Variants in CLDN2 observed in about 807,000 individuals in gnomAD.
The protein encoded by CLDN2 is claudin-2.
Under a neutral mutation model 8.2 loss-of-function variants are expected in CLDN2, and 1 was observed. That is an observed-to-expected ratio of 0.12 (90% CI 0.04 to 0.58). The LOEUF (loss-of-function observed/expected upper bound fraction) is 0.58. CLDN2 is among the 20% of genes least tolerant of loss of function. The pLI, the probability that CLDN2 is intolerant of heterozygous loss-of-function variation, is 0.90. For synonymous variants in CLDN2, 70 were observed against 70.2 expected, an observed-to-expected ratio of 1.00 and a Z score of 0.01; for missense variants, 108 against 172.9, an observed-to-expected ratio of 0.62 and a Z score of 2.11.
At chrX:106,917,472 A>G (rs12008279), upstream of CLDN2, among the ~76,000 whole-genome samples, 50,704 of 110,413 alleles carry the variant, frequency 0.46, 8,665 homozygotes, top group East Asian at 0.94. Context: ...GTCATTGGTA[A>G]CTGTGACAAG....
At chrX:106,922,754 C>T (rs186787576) in intron 1 of CLDN2, among the ~76,000 whole-genome samples, 13 of 111,540 alleles carry the variant, frequency 1.2e-4, no homozygotes, top group South Asian at 7.6e-4. Context: ...AGCATGCTTA[C>T]GGGCTTGGAG....
chrX:106,908,124 C>T (rs2147788053), intron 1 of CLDN2, among the ~76,000 whole-genome samples: 1 of 111,560 alleles, frequency 9.0e-6, no homozygotes, highest in South Asian at 3.9e-4. Flanking sequence ...TCCATGTTCT[C>T]CACTCTTCCA....
In CLDN2 at chrX:106,909,443, G is replaced by A. The variant is rs761920474; in HGVS notation, c.-179+8939G>A. Reference sequence around the variant, plus strand: ...CAGCGGGCAACAGAGGGAGGAGAACGTTGAATGCCAGGTTGAAATTTCCAG... The same window carrying A: ...CAGCGGGCAACAGAGGGAGGAGAACATTGAATGCCAGGTTGAAATTTCCAG... On this transcript the variant is annotated intron_variant, in intron 1 of 1. Coordinates refer to the CLDN2 transcript ENST00000541806. Among the ~76,000 whole-genome samples the A allele has an allele frequency of 1.1e-4, 12 of 111,435 alleles. No homozygotes were observed. The East Asian group carries it at 2.0e-3, about 19-fold the overall frequency.
At chrX:106,912,218 A>C (rs761577878) in intron 1 of CLDN2, among the ~76,000 whole-genome samples, 1 of 110,869 alleles carries the variant, frequency 9.0e-6, no homozygotes, top group African/African-American at 3.3e-5. Context: ...GCAGCCCTAA[A>C]AATGTGGTCC....
At chrX:106,904,516 G>A (rs918794519) in intron 1 of CLDN2, among the ~76,000 whole-genome samples, 1 of 112,447 alleles carries the variant, frequency 8.9e-6, no homozygotes, top group Admixed American at 9.4e-5. Context: ...GCAACTGAAT[G>A]CCAAGCAGGT....
At chrX:106,920,596 C>T (rs1051746914) in intron 1 of CLDN2, 45 bp downstream of exon 1, 2 of 110,921 alleles carry the variant, frequency 1.8e-5, no homozygotes, top group Non-Finnish European at 3.8e-5. Context: ...TTAAATTCAC[C>T]GAGGTGGGCA....
chrX:106,917,500 C>G (rs952339821), upstream of CLDN2, among the ~76,000 whole-genome samples: 4 of 111,511 alleles, frequency 3.6e-5, no homozygotes, highest in African/African-American at 1.3e-4. Context: ...TTTGGTGGAA[C>G]AGTGAGGGTG....
intron 1 of CLDN2, among the ~76,000 whole-genome samples, chrX:106,927,759 C>T (rs1239940084): frequency 1.8e-5 from 2 of 112,096 alleles, no homozygotes; most frequent in African/African-American, 6.5e-5. Flanking sequence ...TATTAAACAG[C>T]AGGCCTTGGA....
intron 1 of CLDN2, among the ~76,000 whole-genome samples, chrX:106,908,590 T>A (rs1933210033): frequency 1.9e-5 from 2 of 105,701 alleles, no homozygotes; most frequent in African/African-American, 3.4e-5. Flanking sequence ...TTTGTTGTTG[T>A]TTTTTTTGTT....
At position 106,930,686 on chromosome X, in the gene CLDN2, C is replaced by T. The variant is rs919291399; in HGVS notation, c.*1765C>T. On this transcript the variant is annotated 3_prime_UTR_variant, in exon 2 of 2. Coordinates refer to ENST00000336803, the MANE Select transcript of CLDN2 (RefSeq NM_020384.4). Reference sequence around the variant, plus strand: ...TCAATGTATAAATTGCTTCTTGATGCTTAGCATTCACAATTTTTGATTGAT... The same window carrying T: ...TCAATGTATAAATTGCTTCTTGATGTTTAGCATTCACAATTTTTGATTGAT... The T allele has an allele frequency of 1.4e-4, 17 of 122,905 alleles. No homozygotes were observed. Among genetic ancestry groups the T allele is most frequent in the African/African-American group, 5.5e-4 (17 of 30,680 alleles). 10.1% of individuals were successfully genotyped at this position (122,905 alleles called of 1,213,427 possible).
chrX:106,906,587 G>A lies in CLDN2; in HGVS notation c.-179+6083G>A, dbSNP rs972620109. ...CCTGAGAAAACAGAGGCCTTCAAGCGTGAATTACCTCAGTGCCATGCCCCA... is the reference window on the plus strand; with the variant it reads ...CCTGAGAAAACAGAGGCCTTCAAGCATGAATTACCTCAGTGCCATGCCCCA... On this transcript the variant is annotated intron_variant, in intron 1 of 1. Transcript: ENST00000541806. 7.2e-5 allele frequency among the ~76,000 whole-genome samples: 8 copies of A among 110,959 alleles called. No individual in the cohort carries two copies. In the East Asian group the frequency reaches 8.5e-4, roughly 12 times the overall value.
intron 1 of CLDN2, among the ~76,000 whole-genome samples, chrX:106,905,734 G>A (rs997229667): frequency 9.0e-6 from 1 of 110,542 alleles, no homozygotes; most frequent in East Asian, 2.9e-4. Context: ...CTGAGCTCGG[G>A]GCTCATGCCT....
chrX:106,914,329 A>T (rs1933286045), upstream of CLDN2, among the ~76,000 whole-genome samples: 1 of 111,281 alleles, frequency 9.0e-6, no homozygotes, highest in South Asian at 3.8e-4. Flanking sequence ...AACTAACACA[A>T]ACATGGGAGT....
At chrX:106,927,670 A>G (rs1363432068) in intron 1 of CLDN2, among the ~76,000 whole-genome samples, 1 of 112,279 alleles carries the variant, frequency 8.9e-6, no homozygotes, top group Non-Finnish European at 1.9e-5. Flanking sequence ...ACATTCTAGG[A>G]TCTGTTCCTC....
rs770428538 is a variant in CLDN2 at position 106,928,528 on chromosome X, G to A, written c.300G>A (p.Val100=). The change falls in exon 2 of 2, where the codon GTG becomes GTA. Residue 100 remains valine, a synonymous_variant. Coordinates refer to ENST00000336803, the MANE Select transcript of CLDN2 (RefSeq NM_020384.4). Reference sequence around the variant, plus strand: ...CCCTGGCCTGCATTATCTCTGTGGTGGGCATGAGATGCACAGTCTTCTGCC... The same window carrying A: ...CCCTGGCCTGCATTATCTCTGTGGTAGGCATGAGATGCACAGTCTTCTGCC... ...ISSLACIISV[V]GMRCTVFCQE... 8.3e-7 allele frequency: 1 copy of A among 1,211,538 alleles called. No individual in the cohort carries two copies. The highest frequency in any genetic ancestry group is 1.1e-6 in the Non-Finnish European group (1 of 895,434).
intron 1 of CLDN2, among the ~76,000 whole-genome samples, chrX:106,909,552 T>A (rs762698310): frequency 2.9e-4 from 33 of 112,306 alleles, no homozygotes; most frequent in Non-Finnish European, 5.1e-4. Flanking sequence ...CCCCTGGGGT[T>A]GAGGGCAGGA....
At position 106,928,408 on chromosome X, in the gene CLDN2, C is replaced by T. The variant is rs923605747; in HGVS notation, c.180C>T (p.Gly60=). ...LWMECATHST[G]ITQCDIYSTL... is the part of the protein sequence containing the mutation. ...TGGAATGTGCCACACACAGCACAGG[C>T]ATCACCCAGTGTGACATCTATAGCA... Residue 60 remains glycine, a synonymous_variant, in exon 2 of 2, where the codon GGC becomes GGT. Coordinates refer to ENST00000336803, the MANE Select transcript of CLDN2 (RefSeq NM_020384.4). The T allele has an allele frequency of 2.5e-6, 3 of 1,210,529 alleles. No homozygotes were observed. The highest frequency in any genetic ancestry group is 3.4e-6 in the Non-Finnish European group (3 of 895,281).
intron 1 of CLDN2, among the ~76,000 whole-genome samples, chrX:106,912,317 A>T (rs1169639003): frequency 1.8e-5 from 2 of 111,133 alleles, no homozygotes; most frequent in Admixed American, 1.9e-4. Flanking sequence ...GGATATATAA[A>T]GCACTTCTGC....
chrX:106,913,447 G>A (rs1308483409), upstream of CLDN2, among the ~76,000 whole-genome samples: 1 of 112,215 alleles, frequency 8.9e-6, no homozygotes, highest in African/African-American at 3.2e-5. Flanking sequence ...ATACGGTTTA[G>A]TTTCAGATTC....
Sources: gnomAD v4.1 joint callset for allele counts (sites outside exome capture counted in the v4.1 genomes callset) on GRCh38, gnomAD v4.1.1 for gene constraint, MANE v1.5 for transcripts, NCBI Gene and HGNC (gene_info 2026-07-23, HGNC 2026-07-21) for gene names.